The following ARID1B variants were observed in gnomAD, a reference collection of about 807,000 sequenced individuals.
ARID1B encodes the protein AT-rich interaction domain 1B, also known as AT-rich interactive domain-containing protein 1B.
Under a neutral mutation model 212.3 loss-of-function variants are expected in ARID1B, and 30 were observed. That is an observed-to-expected ratio of 0.14 (90% CI 0.11 to 0.19). The LOEUF (loss-of-function observed/expected upper bound fraction) is 0.19, where lower values mean the gene tolerates loss of function less well. Ranked by LOEUF, ARID1B falls within the 10% of genes least tolerant of loss-of-function variation. ARID1B has a pLI of 1.00. For synonymous variants in ARID1B, 1,402 were observed against 1,301.7 expected, an observed-to-expected ratio of 1.08 and a Z score of -1.66; for missense variants, 2,891 against 3,204.0, an observed-to-expected ratio of 0.90 and a Z score of 2.36.
chr6:157,181,912 CA>C (rs1438757170), intron 12 of ARID1B, among the ~76,000 whole-genome samples: 2 of 152,176 alleles, frequency 1.3e-5, no homozygotes, highest in Non-Finnish European at 2.9e-5. Context: ...ATACATGAGT[CA>C]CCAGCCCCAA....
intron 4 of ARID1B, among the ~76,000 whole-genome samples, chr6:156,988,068 C>A (rs532436543): frequency 6.6e-6 from 1 of 151,158 alleles, no homozygotes; most frequent in East Asian, 1.9e-4. Context: ...ATAGGCAAAA[C>A]ACTCTAAAAA....
chr6:156,861,781 C>T (rs925911591), intron 2 of ARID1B, among the ~76,000 whole-genome samples: 2 of 152,094 alleles, frequency 1.3e-5, no homozygotes, highest in African/African-American at 2.4e-5. Flanking sequence ...GCTATGAAGT[C>T]TGTACTCTAG....
intron 16 of ARID1B, among the ~76,000 whole-genome samples, chr6:157,197,345 G>A (rs1385126069): frequency 1.3e-5 from 2 of 152,256 alleles, no homozygotes; most frequent in African/African-American, 4.8e-5. Flanking sequence ...GACCGGCTGG[G>A]CCAGAGCCGC....
intron 4 of ARID1B, among the ~76,000 whole-genome samples, chr6:157,049,198 G>GCTGCC (rs1175661763): frequency 6.7e-6 from 1 of 149,188 alleles, no homozygotes; most frequent in Non-Finnish European, 1.5e-5. Flanking sequence ...AAAAAGACTT[G>GCTGCC]CTGCCTTGAT....
intron 6 of ARID1B, among the ~76,000 whole-genome samples, chr6:157,122,228 A>G (rs1272609616): frequency 1.3e-5 from 2 of 152,192 alleles, no homozygotes; most frequent in Non-Finnish European, 2.9e-5. Flanking sequence ...CATAATAGAG[A>G]TTGAAGTAGC....
At chr6:157,002,555 A>T (rs1183860013) in intron 4 of ARID1B, among the ~76,000 whole-genome samples, 3 of 152,244 alleles carry the variant, frequency 2.0e-5, no homozygotes, top group Admixed American at 6.5e-5. Flanking sequence ...AGGCCTCCTC[A>T]TTCTATTTTA....
chr6:156,863,533 C>T (rs1583178750), intron 2 of ARID1B, among the ~76,000 whole-genome samples: 1 of 152,084 alleles, frequency 6.6e-6, no homozygotes, highest in Non-Finnish European at 1.5e-5. Flanking sequence ...GTTGTGGATA[C>T]TTGAGGAAAG....
intron 4 of ARID1B, among the ~76,000 whole-genome samples, chr6:156,990,648 C>T (rs916434912): frequency 1.3e-5 from 2 of 151,896 alleles, no homozygotes; most frequent in East Asian, 2.0e-4. Flanking sequence ...TCAAAACGAA[C>T]AAACAAACAA....
rs185917268 is a variant in ARID1B at position 157,150,522 on chromosome 6, T to C, written c.3089+1571T>C. On this transcript the variant is annotated intron_variant, in intron 8 of 19. Coordinates refer to ENST00000636930, the MANE Select transcript of ARID1B (RefSeq NM_001374828.1). ...AAATGGAGATTAGAATTGAGAATATTACTTTTCTCTGCCTGTCCCCACCCT... is the reference window on the plus strand; with the variant it reads ...AAATGGAGATTAGAATTGAGAATATCACTTTTCTCTGCCTGTCCCCACCCT... 5 of 158,686 alleles carry C rather than the reference T, an allele frequency of 3.2e-5. No homozygotes were observed. In the East Asian group the frequency reaches 4.7e-4, roughly 15 times the overall value. 9.8% of individuals were successfully genotyped at this position (158,686 alleles called of 1,614,324 possible).
At position 157,184,326 on chromosome 6, in the gene ARID1B, G is replaced by C. The variant is rs779917726; in HGVS notation, c.3810G>C (p.Gln1270His). The C allele has an allele frequency of 2.4e-5, 38 of 1,614,186 alleles. No homozygotes were observed. The highest frequency in any genetic ancestry group is 3.2e-5 in the Non-Finnish European group (38 of 1,180,032). The change falls in exon 13 of 20, where the codon CAG becomes CAC. Residue 1270 changes from glutamine (Q) to histidine (H), a missense_variant. Physicochemically the swap from Gln to His is conservative, Grantham distance 24. Around this residue, in one of 7 missense-constraint regions of ARID1B, gnomAD observed 666 missense variants for 873.5 expected, o/e 0.76. Transcript: ENST00000636930. ...GCTCCCTGAAAAAGCAGTATATTCAGTACCTGTTTGCCTTTGAGTGCAAGA... is the reference window on the plus strand; with the variant it reads ...GCTCCCTGAAAAAGCAGTATATTCACTACCTGTTTGCCTTTGAGTGCAAGA... ...AASSLKKQYI[Q>H]YLFAFECKIE...
At chr6:157,156,911 A>T (rs886823455) in intron 8 of ARID1B, among the ~76,000 whole-genome samples, 1 of 152,128 alleles carries the variant, frequency 6.6e-6, no homozygotes, top group African/African-American at 2.4e-5. Flanking sequence ...CACTGGGAGC[A>T]CTCTGGCATC....
At chr6:156,830,836 C>T (rs962321170) in intron 2 of ARID1B, among the ~76,000 whole-genome samples, 11 of 151,756 alleles carry the variant, frequency 7.2e-5, no homozygotes, top group African/African-American at 2.7e-4. Context: ...TCTTTGCTCC[C>T]ACTTGGATGA....
At chr6:156,934,912 T>TTATATA (rs201495355) in intron 3 of ARID1B, among the ~76,000 whole-genome samples, 370 of 52,362 alleles carry the variant, frequency 7.1e-3, no homozygotes, top group Non-Finnish European at 9.1e-3. Context: ...TAGTTGTTAA[T>TTATATA]TATATATATA....
chr6:156,939,087 C>T (rs1170004945), intron 4 of ARID1B: 3 of 152,200 alleles, frequency 2.0e-5, no homozygotes, highest in African/African-American at 7.2e-5. Context: ...AGTCGTACAG[C>T]ATTTCCCTGT....
Position 156,916,620 on chromosome 6 carries a change from G to A in ARID1B, c.2136+15095G>A, listed in dbSNP as rs186774137. Among the ~76,000 whole-genome samples the A allele has an allele frequency of 1.6e-3, 239 of 152,054 alleles. 1 individual carries two copies. Among genetic ancestry groups the A allele is most frequent in the African/African-American group, 5.5e-3 (230 of 41,484 alleles). ...AGTTTTTGTTTTGTTTTGCTCTAAC[G>A]TTTCTGCTTGCCTTATGTTTCCCCG... On this transcript the variant is annotated intron_variant, in intron 3 of 19. Transcript: ENST00000636930.
At chr6:156,957,990 A>G (rs556665950) in intron 4 of ARID1B, among the ~76,000 whole-genome samples, 1 of 152,352 alleles carries the variant, frequency 6.6e-6, no homozygotes, top group South Asian at 2.1e-4. Flanking sequence ...CTACATGTTT[A>G]GAATTTTCAT....
chr6:156,952,867 A>G (rs1793688410), intron 4 of ARID1B, among the ~76,000 whole-genome samples: 1 of 152,216 alleles, frequency 6.6e-6, no homozygotes, highest in African/African-American at 2.4e-5. Flanking sequence ...GTCATTTATG[A>G]CTTTCTTCGA....
chr6:156,966,386 C>CTTTTCTTTTTTCTTTTCTTTTTTTTTT (rs1794748843), intron 4 of ARID1B, among the ~76,000 whole-genome samples: 2 of 38,918 alleles, frequency 5.1e-5, no homozygotes, highest in African/African-American at 1.6e-4. Flanking sequence ...CTTTTCTTTT[C>CTTTTCTTTTTTCTTTTCTTTTTTTTTT]TTTTTTTTTT....
At chr6:156,989,969 A>T (rs6937235) in intron 4 of ARID1B, among the ~76,000 whole-genome samples, 1 of 152,214 alleles carries the variant, frequency 6.6e-6, no homozygotes, top group Middle Eastern at 3.4e-3. Context: ...AATTAATTTG[A>T]TTTTCAACCT....
Sources: allele counts gnomAD v4.1 joint callset (sites outside exome capture counted in the v4.1 genomes callset), GRCh38; gene constraint gnomAD v4.1.1; regional missense constraint gnomAD v4.1.1; transcripts MANE v1.5; gene names NCBI Gene and HGNC (gene_info 2026-07-23, HGNC 2026-07-21).